PDE6C: variants seen among roughly 807,000 people sequenced by gnomAD.
The protein encoded by PDE6C is phosphodiesterase 6C, also known as cone cGMP-specific 3',5'-cyclic phosphodiesterase subunit alpha'.
Under a neutral mutation model 113.1 loss-of-function variants are expected in PDE6C, and 75 were observed. The ratio of observed to expected loss-of-function variants is 0.66; its 90% confidence interval spans 0.55 to 0.80. PDE6C has a LOEUF of 0.80. PDE6C is among the 30% of genes least tolerant of loss of function. The pLI, the probability that PDE6C is intolerant of heterozygous loss-of-function variation, is 0.00. For missense variants in PDE6C, 912 were observed against 1,038.6 expected (o/e 0.88, Z 1.67); for synonymous variants, 375 against 363.7 (o/e 1.03, Z -0.35).
chr10:93,629,314 A>C lies in PDE6C; in HGVS notation c.1119+9A>C. On this transcript the variant is annotated intron_variant, in intron 8 of 21. Transcript: ENST00000371447. ...AATACTTCACATTTCAGGTAACTGC[A>C]CTCTGGGTCAGACCTCACCTCTTGG... The C allele has an allele frequency of 6.2e-7, 1 of 1,602,494 alleles. No individual in the cohort carries two copies. The highest frequency in any genetic ancestry group is 2.2e-5 in the East Asian group (1 of 44,792).
chr10:93,641,875 AG>A (rs1447975924), intron 14 of PDE6C, among the ~76,000 whole-genome samples: 1 of 152,192 alleles, frequency 6.6e-6, no homozygotes, highest in Non-Finnish European at 1.5e-5. Flanking sequence ...TACAATAAGA[AG>A]GGTGCAAGCT....
intron 14 of PDE6C, among the ~76,000 whole-genome samples, chr10:93,642,088 G>A (rs1298674584): frequency 1.3e-5 from 2 of 152,150 alleles, no homozygotes; most frequent in Admixed American, 6.6e-5. Flanking sequence ...TATGATTGCT[G>A]GGTGCGGTGG....
chr10:93,656,604 CTG>C (rs1485497272), intron 16 of PDE6C, among the ~76,000 whole-genome samples: 1 of 151,984 alleles, frequency 6.6e-6, no homozygotes, highest in Non-Finnish European at 1.5e-5. Flanking sequence ...AGGTCTCACT[CTG>C]TCACCTGGGC....
chr10:93,661,015 C>A (rs1166787991), intron 18 of PDE6C, among the ~76,000 whole-genome samples: 1 of 152,118 alleles, frequency 6.6e-6, no homozygotes, highest in Non-Finnish European at 1.5e-5. Flanking sequence ...TCTATTTTCT[C>A]CCAACAAAAC....
intron 4 of PDE6C, 147 bp downstream of exon 4, chr10:93,622,219 G>T: frequency 2.4e-6 from 2 of 844,250 alleles, no homozygotes; most frequent in Admixed American, 4.2e-5. Flanking sequence ...GTGTGTCTTG[G>T]AGCAAAAAAG....
chr10:93,637,447 T>C (rs928330426), intron 11 of PDE6C, among the ~76,000 whole-genome samples: 1 of 152,210 alleles, frequency 6.6e-6, no homozygotes, highest in African/African-American at 2.4e-5. Flanking sequence ...TGGCACCGCC[T>C]GCCATTTCTA....
At chr10:93,655,626 AAAG>A in intron 15 of PDE6C, 131 bp from the exon 16 acceptor site, 1 of 557,022 alleles carries the variant, frequency 1.8e-6, no homozygotes, top group Non-Finnish European at 3.3e-6. Context: ...AAAAAAAAAA[AAAG>A]GAAGGAAAAC....
chr10:93,639,647 A>G (rs1364960319), intron 11 of PDE6C, among the ~76,000 whole-genome samples: 1 of 152,246 alleles, frequency 6.6e-6, no homozygotes, highest in Admixed American at 6.5e-5. Flanking sequence ...GTCACTGAGC[A>G]CATAAAGAAA....
chr10:93,650,003 C>T (rs2058602406), intron 15 of PDE6C, among the ~76,000 whole-genome samples: 1 of 152,126 alleles, frequency 6.6e-6, no homozygotes, highest in Non-Finnish European at 1.5e-5. Flanking sequence ...CTTCTATCAT[C>T]CAAGTAATTG....
At chr10:93,625,431 T>C in intron 4 of PDE6C, 144 bp from the exon 5 acceptor site, 1 of 674,136 alleles carries the variant, frequency 1.5e-6, no homozygotes, top group Non-Finnish European at 2.7e-6. Flanking sequence ...CTAACCAGTA[T>C]TGCTGGGAAT....
Position 93,612,602 on chromosome 10 carries a change from T to C in PDE6C, c.-124T>C, listed in dbSNP as rs1481757685. 3.0e-6 allele frequency: 4 copies of C among 1,345,588 alleles called. No individual in the cohort carries two copies. In the Admixed American group the frequency reaches 6.8e-5, roughly 23 times the overall value. 83.4% of individuals were successfully genotyped at this position (1,345,588 alleles called of 1,614,324 possible). A position where few individuals can be genotyped will look rare whatever the true frequency, so the allele number is the denominator to read the frequency against. On this transcript the variant is annotated 5_prime_UTR_variant, in exon 1 of 22. An upstream start codon of the reference 5' UTR is lost. Transcript: ENST00000371447. ...TTCTGCTTGACCTTTGGAAGTCCTA[T>C]GAGGGACCATTTACGGTTTCCTCAG...
intron 4 of PDE6C, among the ~76,000 whole-genome samples, chr10:93,624,395 C>G (rs7095788): frequency 2.0e-5 from 3 of 151,854 alleles, no homozygotes; most frequent in Admixed American, 6.6e-5. Context: ...TGTACCACCA[C>G]GTCCACTGAT....
At position 93,614,303 on chromosome 10, in the gene PDE6C, G is replaced by A. The variant is rs140863823; in HGVS notation, c.480+1098G>A. Among the ~76,000 whole-genome samples the A allele has an allele frequency of 1.8e-3, 279 of 152,312 alleles. 1 individual carries two copies. Among genetic ancestry groups the A allele is most frequent in the African/African-American group, 6.3e-3 (262 of 41,574 alleles). ...GGAGGGTCACACGGACCCAAGAGGT[G>A]TGGAAGTCATCAAACACGAGTGACT... is the stretch of plus-strand genomic sequence containing the variant. On this transcript the variant is annotated intron_variant, in intron 1 of 21. Transcript: ENST00000371447.
chr10:93,640,361 A>G (rs2058553382), intron 12 of PDE6C, 89 bp from the exon 13 acceptor site: 5 of 1,256,702 alleles, frequency 4.0e-6, no homozygotes, highest in African/African-American at 1.5e-5. Flanking sequence ...TATCTACAAG[A>G]CCAACACATC....
At position 93,637,034 on chromosome 10, in the gene PDE6C, T is replaced by C. The variant is rs1032329598; in HGVS notation, c.1453T>C (p.Cys485Arg). 1.2e-6 allele frequency: 2 copies of C among 1,605,000 alleles called. No individual in the cohort carries two copies. The highest frequency in any genetic ancestry group is 2.2e-5 in the South Asian group (2 of 90,840). Residue 485 changes from cysteine to arginine, a missense_variant, in exon 11 of 22, where the codon TGT becomes CGT. Cys to Arg is a radical substitution (Grantham distance 180, BLOSUM62 -3). Coordinates refer to ENST00000371447, the MANE Select transcript of PDE6C (RefSeq NM_006204.4). ...GTTAAATGTTGATGTAATTGACGAC[T>C]GTGAAGAAAAACAACTTGTTGCAAT... ...EKLNVDVIDD[C>R]EEKQLVAILK...
intron 8 of PDE6C, among the ~76,000 whole-genome samples, chr10:93,632,051 C>T (rs571991926): frequency 1.7e-4 from 26 of 152,314 alleles, no homozygotes; most frequent in African/African-American, 6.3e-4. Context: ...TCCAGCTTCT[C>T]AGGGCCTCCC....
intron 16 of PDE6C, 39 bp from the exon 17 acceptor site, chr10:93,658,862 A>G (rs1449211865): frequency 2.5e-6 from 3 of 1,209,044 alleles, no homozygotes; most frequent in Middle Eastern, 1.9e-4. Context: ...CTCTCTTTTC[A>G]TAAGCTAAAA....
chr10:93,652,965 A>C (rs1391023786), intron 15 of PDE6C, among the ~76,000 whole-genome samples: 4 of 152,224 alleles, frequency 2.6e-5, no homozygotes, highest in Non-Finnish European at 4.4e-5. Flanking sequence ...CTAAAAGTTT[A>C]AGGCATTTTC....
intron 8 of PDE6C, among the ~76,000 whole-genome samples, chr10:93,632,736 C>A (rs1275973389): frequency 2.6e-5 from 4 of 152,194 alleles, no homozygotes; most frequent in Non-Finnish European, 4.4e-5. Flanking sequence ...TCCAAAGATG[C>A]AGGCTTTGCA....
Sources: gnomAD v4.1 joint callset for allele counts (sites outside exome capture counted in the v4.1 genomes callset) on GRCh38, gnomAD v4.1.1 for gene constraint, MANE v1.5 for transcripts, NCBI Gene and HGNC (gene_info 2026-07-23, HGNC 2026-07-21) for gene names.